The following CIT variants were observed in gnomAD, a reference collection of about 807,000 sequenced individuals.
CIT encodes citron Rho-interacting kinase.
In CIT, 79 loss-of-function variants were observed where a neutral mutation model predicts 272.7. That is an observed-to-expected ratio of 0.29 (90% CI 0.24 to 0.35). CIT has a LOEUF of 0.35. Ranked by LOEUF, CIT falls within the 10% of genes least tolerant of loss-of-function variation. CIT has a pLI of 1.00. For missense variants in CIT, 1,909 were observed against 2,618.3 expected (o/e 0.73, Z 5.91); for synonymous variants, 948 against 995.6 (o/e 0.95, Z 0.90).
At chr12:119,861,966 A>G (rs781490866) in intron 3 of CIT, among the ~76,000 whole-genome samples, 3 of 151,986 alleles carry the variant, frequency 2.0e-5, no homozygotes, top group Non-Finnish European at 2.9e-5. Flanking sequence ...CCTTACAGAC[A>G]GGGAGTTTTC....
rs546860049 is a variant in CIT, at chr12:119,826,912, C to T, written c.754-1544G>A. On this transcript the variant is annotated intron_variant, in intron 7 of 47. Transcript: ENST00000392521. ...GAGGACGTGATGAGGTCTCCTCTCC[C>T]CGGGGCTGATTCTGGATGAAGCTCT... Among the ~76,000 whole-genome samples, 6 of 152,232 alleles carry T rather than the reference C, an allele frequency of 3.9e-5. No individual in the cohort carries two copies. The South Asian group carries it at 1.2e-3, about 32-fold the overall frequency.
At chr12:119,727,990 T>C (rs987099343) in intron 28 of CIT, among the ~76,000 whole-genome samples, 15 of 151,526 alleles carry the variant, frequency 9.9e-5, no homozygotes, top group African/African-American at 3.6e-4. Context: ...GAAACCTGGA[T>C]GCATATGACT....
intron 24 of CIT, among the ~76,000 whole-genome samples, chr12:119,740,817 G>A (rs1959022264): frequency 6.6e-6 from 1 of 152,100 alleles, no homozygotes; most frequent in Non-Finnish European, 1.5e-5. Context: ...CTACCAGAAT[G>A]TCACCCCCCA....
intron 28 of CIT, among the ~76,000 whole-genome samples, chr12:119,723,766 G>A (rs1957938357): frequency 6.6e-6 from 1 of 152,202 alleles, no homozygotes; most frequent in South Asian, 2.1e-4. Context: ...AAGCAAACTT[G>A]TGGAAGGGCA....
At chr12:119,751,101 AGCTT>A (rs1327155317) in intron 23 of CIT, among the ~76,000 whole-genome samples, 2 of 152,104 alleles carry the variant, frequency 1.3e-5, no homozygotes, top group Admixed American at 6.5e-5. Context: ...GAAATGTATG[AGCTT>A]GGCTGACACC....
intron 24 of CIT, among the ~76,000 whole-genome samples, chr12:119,739,928 C>T (rs575749592): frequency 6.6e-6 from 1 of 152,246 alleles, no homozygotes; most frequent in African/African-American, 2.4e-5. Context: ...AATCAATGAG[C>T]GTACTGATTG....
chr12:119,747,768 ATTTT>A (rs1959657442), intron 23 of CIT, among the ~76,000 whole-genome samples: 1 of 152,192 alleles, frequency 6.6e-6, no homozygotes, highest in Non-Finnish European at 1.5e-5. Flanking sequence ...TCAAATATTT[ATTTT>A]TTATTTCTTT....
Position 119,697,834 on chromosome 12 carries a change from G to A in CIT, c.5707C>T (p.Pro1903Ser). 1 of 1,614,010 alleles carries A rather than the reference G, an allele frequency of 6.2e-7. No individual in the cohort carries two copies. The highest frequency in any genetic ancestry group is 8.5e-7 in the Non-Finnish European group (1 of 1,179,974). ...EIQARSSAGT[P>S]ARAYLDIPNP... is the part of the protein sequence containing the mutation. ...GGGATGTCCAGGTACGCTCGGGCAGGGGTCCTGCAGAGTCCCAGAGTTCCA... is the reference window on the plus strand; with the variant it reads ...GGGATGTCCAGGTACGCTCGGGCAGAGGTCCTGCAGAGTCCCAGAGTTCCA... The change falls in exon 46 of 48, where the codon CCT becomes TCT. Residue 1903 changes from proline (P) to serine (S), a missense_variant. Physicochemically the swap from Pro to Ser is moderately conservative, Grantham distance 74. Around this residue, in one of 8 missense-constraint regions of CIT, gnomAD observed 780 missense variants for 1,067.2 expected, o/e 0.73. Coordinates refer to ENST00000392521, the MANE Select transcript of CIT (RefSeq NM_001206999.2). The surrounding 1 kb of genome is among the most constrained non-coding windows in gnomAD (Gnocchi z 4.9).
chr12:119,763,292 C>CAGGGGACTACTGTGTACATTCTCATAATT (rs1555237929), intron 19 of CIT, among the ~76,000 whole-genome samples: 1 of 152,260 alleles, frequency 6.6e-6, no homozygotes, highest in African/African-American at 2.4e-5. Context: ...GCAAAGGTGG[C>CAGGGGACTACTGTGTACATTCTCATAATT]TCACTGCAGC....
At chr12:119,795,356 C>A (rs1181745717) in intron 10 of CIT, among the ~76,000 whole-genome samples, 1 of 152,164 alleles carries the variant, frequency 6.6e-6, no homozygotes, top group Non-Finnish European at 1.5e-5. Context: ...CACCGTACTC[C>A]AGCGTGGGCA....
At chr12:119,808,759 G>A (rs768354486) in intron 9 of CIT, among the ~76,000 whole-genome samples, 9 of 152,046 alleles carry the variant, frequency 5.9e-5, no homozygotes, top group Admixed American at 1.3e-4. Flanking sequence ...GATGTCCCTC[G>A]CCCTTTTAAA....
intron 8 of CIT, 54 bp downstream of exon 8, chr12:119,825,111 A>G (rs890799279): frequency 3.9e-6 from 6 of 1,539,888 alleles, no homozygotes; most frequent in Non-Finnish European, 5.3e-6. Flanking sequence ...CATTCGCACA[A>G]TTTTTAAATA....
intron 3 of CIT, among the ~76,000 whole-genome samples, chr12:119,862,341 A>G (rs1288213772): frequency 6.6e-6 from 1 of 151,862 alleles, no homozygotes; most frequent in Non-Finnish European, 1.5e-5. Flanking sequence ...TTTTTAAGGC[A>G]CACACACACA....
intron 18 of CIT, 146 bp from the exon 19 acceptor site, chr12:119,767,328 A>T: frequency 1.7e-6 from 1 of 597,290 alleles, no homozygotes; most frequent in Non-Finnish European, 2.9e-6. Context: ...GGCTCTTGGG[A>T]AGGAAACCAC....
At chr12:119,868,416 T>C (rs1305981930) in intron 3 of CIT, among the ~76,000 whole-genome samples, 14 of 152,196 alleles carry the variant, frequency 9.2e-5, no homozygotes, top group Admixed American at 7.2e-4. Context: ...CTCTGCCTAA[T>C]AGAAAGTCAG....
intron 24 of CIT, 68 bp from the exon 25 acceptor site, chr12:119,735,425 G>T (rs1958698578): frequency 6.6e-7 from 1 of 1,523,134 alleles, no homozygotes; most frequent in Non-Finnish European, 9.1e-7. Flanking sequence ...TGCTTCTAGG[G>T]CTATGGATTT....
At chr12:119,799,321 C>T (rs887436595) in intron 10 of CIT, among the ~76,000 whole-genome samples, 5 of 152,186 alleles carry the variant, frequency 3.3e-5, no homozygotes, top group Non-Finnish European at 5.9e-5. Flanking sequence ...AAGTGTTTTA[C>T]GTATTTCATC....
intron 7 of CIT, among the ~76,000 whole-genome samples, chr12:119,826,670 C>T (rs1968188814): frequency 6.6e-6 from 1 of 152,168 alleles, no homozygotes; most frequent in South Asian, 2.1e-4. Flanking sequence ...AGTGTGTTGG[C>T]CAGCTGTCCT....
At chr12:119,841,339 T>C (rs1271809046) in intron 5 of CIT, among the ~76,000 whole-genome samples, 1 of 152,104 alleles carries the variant, frequency 6.6e-6, no homozygotes, top group African/African-American at 2.4e-5. Context: ...CATGCCCGGC[T>C]AATTTCTATA....
Sources: allele counts gnomAD v4.1 joint callset (sites outside exome capture counted in the v4.1 genomes callset), GRCh38; gene constraint gnomAD v4.1.1; regional missense constraint gnomAD v4.1.1; non-coding constraint Gnocchi (gnomAD v3.1); transcripts MANE v1.5; gene names NCBI Gene and HGNC (gene_info 2026-07-23, HGNC 2026-07-21).